Variants in RNLS observed in about 807,000 individuals in gnomAD.
RNLS encodes renalase, FAD dependent amine oxidase, also known as renalase.
In RNLS, 39 loss-of-function variants were observed where a neutral mutation model predicts 39.8. That is an observed-to-expected ratio of 0.98 (90% CI 0.76 to 1.28). RNLS has a LOEUF of 1.28. Ranked by LOEUF, RNLS falls within the 50% of genes most tolerant of loss-of-function variation. The pLI, the probability that RNLS is intolerant of heterozygous loss-of-function variation, is 0.00. For missense variants in RNLS, 410 were observed against 413.3 expected, an observed-to-expected ratio of 0.99 and a Z score of 0.07; for synonymous variants, 147 against 150.7, an observed-to-expected ratio of 0.98 and a Z score of 0.18.
the RNLS span, among the ~76,000 whole-genome samples, chr10:88,175,283 C>T: frequency 1.3e-5 from 2 of 151,620 alleles, no homozygotes; most frequent in Non-Finnish European, 2.9e-5. Flanking sequence ...CCTTCTTTTT[C>T]CCAATTTGGG....
In RNLS at chr10:88,294,294, C is replaced by G. The variant is rs149121160; in HGVS notation, c.877-8788G>C. On this transcript the variant is annotated intron_variant, in intron 6 of 6. Transcript: ENST00000331772. ...CTTATTCTGATGTCAATGGAAATGC[C>G]TGTTTACCTATTTGCATATAGGAAA... Among the ~76,000 whole-genome samples the G allele has an allele frequency of 7.2e-4, 109 of 152,284 alleles. 1 individual carries two copies. The highest frequency in any genetic ancestry group is 2.5e-3 in the African/African-American group (103 of 41,576).
chr10:88,228,159 T>C, the RNLS span, among the ~76,000 whole-genome samples: 1 of 152,190 alleles, frequency 6.6e-6, no homozygotes, highest in Non-Finnish European at 1.5e-5. Flanking sequence ...ACCATAAATA[T>C]GTAAAAAATC....
chr10:88,203,224 G>A, the RNLS span, among the ~76,000 whole-genome samples: 1 of 674 alleles, frequency 1.5e-3, no homozygotes, highest in Non-Finnish European at 3.9e-3. Flanking sequence ...ATAGCAAAAA[G>A]TGTGTGTGTG....
chr10:88,572,084 A>C (rs1456997566), intron 4 of RNLS, among the ~76,000 whole-genome samples: 1 of 152,140 alleles, frequency 6.6e-6, no homozygotes, highest in Non-Finnish European at 1.5e-5. Flanking sequence ...GTATCTACCT[A>C]AGAAAATCTT....
intron 5 of RNLS, among the ~76,000 whole-genome samples, chr10:88,328,761 T>C (rs1846841701): frequency 2.0e-5 from 3 of 152,164 alleles, no homozygotes; most frequent in Admixed American, 1.3e-4. Flanking sequence ...TTATTTTATT[T>C]CTTTGGTTCT....
intron 4 of RNLS, among the ~76,000 whole-genome samples, chr10:88,513,599 C>A (rs1283633690): frequency 3.3e-5 from 5 of 152,028 alleles, no homozygotes; most frequent in African/African-American, 1.2e-4. Context: ...TATCACTACA[C>A]CTCCCCTGAA....
intron 4 of RNLS, among the ~76,000 whole-genome samples, chr10:88,569,898 A>G (rs928193437): frequency 6.6e-6 from 1 of 152,202 alleles, no homozygotes; most frequent in African/African-American, 2.4e-5. Flanking sequence ...TGACAAAAAA[A>G]GAATAAACAA....
chr10:88,205,222 C>T, the RNLS span, among the ~76,000 whole-genome samples: 1 of 152,144 alleles, frequency 6.6e-6, no homozygotes, highest in East Asian at 1.9e-4. Context: ...ACCGTGTCAT[C>T]TGGGACTAGC....
intron 4 of RNLS, among the ~76,000 whole-genome samples, chr10:88,408,419 G>A (rs900912924): frequency 7.9e-5 from 12 of 152,062 alleles, no homozygotes; most frequent in African/African-American, 2.7e-4. Context: ...GTTTTGAGAA[G>A]AGCCCTAATG....
intron 4 of RNLS, among the ~76,000 whole-genome samples, chr10:88,364,903 A>G (rs924655767): frequency 2.6e-5 from 4 of 152,132 alleles, no homozygotes; most frequent in African/African-American, 7.2e-5. Context: ...CCCATTTTTT[A>G]AATAAAAAAA....
At chr10:88,548,758 G>A (rs1488517302) in intron 4 of RNLS, among the ~76,000 whole-genome samples, 1 of 148,912 alleles carries the variant, frequency 6.7e-6, no homozygotes, top group African/African-American at 2.5e-5. Context: ...GTACATATAT[G>A]TAGCCCTATG....
intron 4 of RNLS, among the ~76,000 whole-genome samples, chr10:88,516,080 C>T (rs1846391467): frequency 1.3e-5 from 2 of 151,958 alleles, no homozygotes; most frequent in African/African-American, 4.8e-5. Flanking sequence ...AGAGAGAAGC[C>T]TCAGATGAAA....
intron 4 of RNLS, among the ~76,000 whole-genome samples, chr10:88,370,359 T>C (rs765628695): frequency 1.1e-4 from 16 of 152,308 alleles, no homozygotes; most frequent in Non-Finnish European, 2.1e-4. Context: ...ACCAATATTA[T>C]AGTTATTGTT....
intron 6 of RNLS, among the ~76,000 whole-genome samples, chr10:88,305,055 A>T (rs1190566426): frequency 6.6e-6 from 1 of 152,234 alleles, no homozygotes; most frequent in Non-Finnish European, 1.5e-5. Flanking sequence ...TCTTAAAGGA[A>T]GGAAATTCCA....
intron 4 of RNLS, among the ~76,000 whole-genome samples, chr10:88,568,190 A>G (rs1022024875): frequency 3.9e-5 from 6 of 152,176 alleles, no homozygotes; most frequent in Non-Finnish European, 7.3e-5. Flanking sequence ...CTGTTCCTGC[A>G]TTAATTTGCT....
At chr10:88,571,008 A>T (rs1590040518) in intron 4 of RNLS, among the ~76,000 whole-genome samples, 1 of 148,830 alleles carries the variant, frequency 6.7e-6, no homozygotes. Flanking sequence ...TTTTGACACA[A>T]GGTCTTGCTC....
At chr10:88,457,991 T>G (rs531103711) in intron 4 of RNLS, among the ~76,000 whole-genome samples, 13 of 152,330 alleles carry the variant, frequency 8.5e-5, no homozygotes, top group African/African-American at 2.6e-4. Flanking sequence ...GGCAGACTCC[T>G]TGAAAACAAT....
chr10:88,457,033 C>A (rs1354389344), intron 4 of RNLS, among the ~76,000 whole-genome samples: 1 of 152,154 alleles, frequency 6.6e-6, no homozygotes, highest in Non-Finnish European at 1.5e-5. Flanking sequence ...CCTCCTCCAC[C>A]CACATTTTTT....
chr10:88,259,771 G>A, the RNLS span, among the ~76,000 whole-genome samples: 1 of 152,134 alleles, frequency 6.6e-6, no homozygotes, highest in Non-Finnish European at 1.5e-5. Flanking sequence ...TTGAGACCAA[G>A]TCTCGCTCTG....
Sources: allele counts gnomAD v4.1 joint callset (sites outside exome capture counted in the v4.1 genomes callset), GRCh38; gene constraint gnomAD v4.1.1; transcripts MANE v1.5; gene names NCBI Gene and HGNC (gene_info 2026-07-23, HGNC 2026-07-21).